Variants in GLDC observed in about 807,000 individuals in gnomAD.
GLDC encodes the protein glycine decarboxylase.
GLDC carries 104 observed loss-of-function variants against 121.3 expected under a neutral mutation model. The observed-to-expected ratio is 0.86, with a 90% CI of 0.73 to 1.01. The LOEUF (loss-of-function observed/expected upper bound fraction) is 1.01, where lower values mean the gene tolerates loss of function less well. Among genes scored for constraint, GLDC ranks in the 50% least tolerant of loss-of-function variants. The pLI is 0.00. For synonymous variants in GLDC, 546 were observed against 480.6 expected, an observed-to-expected ratio of 1.14 and a Z score of -1.78; for missense variants, 1,429 against 1,306.6, an observed-to-expected ratio of 1.09 and a Z score of -1.44.
At chr9:6,547,225 T>G (rs1340422725) in intron 21 of GLDC, among the ~76,000 whole-genome samples, 1 of 151,922 alleles carries the variant, frequency 6.6e-6, no homozygotes, top group East Asian at 1.9e-4. Context: ...TAGGATGCAG[T>G]TATATGTCTT....
At chr9:6,620,162 C>T (rs757826169) in intron 3 of GLDC, 22 bp downstream of exon 3, 1 of 1,610,386 alleles carries the variant, frequency 6.2e-7, no homozygotes, top group Non-Finnish European at 8.5e-7. Context: ...TCATCCTGTT[C>T]CTGAACTGAG....
intron 21 of GLDC, among the ~76,000 whole-genome samples, chr9:6,543,453 C>G (rs1333056733): frequency 6.6e-6 from 1 of 152,112 alleles, no homozygotes; most frequent in Non-Finnish European, 1.5e-5. Context: ...TCAGTAATAG[C>G]TGAAAGGCAC....
intron 2 of GLDC, 25 bp downstream of exon 2, chr9:6,644,589 C>T: frequency 1.3e-6 from 2 of 1,524,728 alleles, no homozygotes; most frequent in Non-Finnish European, 1.8e-6. Flanking sequence ...AATCTAAGTC[C>T]AAGGGAGCCC....
At chr9:6,621,587 G>C (rs531658225) in intron 2 of GLDC, among the ~76,000 whole-genome samples, 1 of 152,046 alleles carries the variant, frequency 6.6e-6, no homozygotes, top group African/African-American at 2.4e-5. Flanking sequence ...GCTCGATCTT[G>C]GCTCACTGCA....
chr9:6,613,759 T>C (rs994906003), intron 3 of GLDC, among the ~76,000 whole-genome samples: 2 of 152,116 alleles, frequency 1.3e-5, no homozygotes, highest in African/African-American at 4.8e-5. Context: ...CCAAATTATA[T>C]ATGATAACTA....
At chr9:6,589,019 C>T (rs1045767397) in intron 12 of GLDC, among the ~76,000 whole-genome samples, 176 bp downstream of exon 12, 3 of 152,152 alleles carry the variant, frequency 2.0e-5, no homozygotes, top group Non-Finnish European at 2.9e-5. Flanking sequence ...CACCAGGAAA[C>T]AAAGTGTGCT....
In GLDC at chr9:6,644,695, AAAATT is replaced by A; in HGVS notation, c.256-8_256-4del. 1 of 1,608,324 alleles carries A rather than the reference AAAATT, an allele frequency of 6.2e-7. No individual in the cohort carries two copies. Among genetic ancestry groups the A allele is most frequent in the Non-Finnish European group, 8.5e-7 (1 of 1,174,874 alleles). On this transcript the variant is annotated splice_region_variant and splice_polypyrimidine_tract_variant and intron_variant, in intron 1 of 24. Transcript: ENST00000321612. ...TTCTCGATCAATTCATCAATGCTCT[AAAATT>A]AAAACGCAAGGCAGAGGAAAGTGCC...
At chr9:6,634,256 C>G (rs1466802315) in intron 2 of GLDC, among the ~76,000 whole-genome samples, 1 of 151,906 alleles carries the variant, frequency 6.6e-6, no homozygotes, top group Non-Finnish European at 1.5e-5. Context: ...AACCCAAAAC[C>G]ATGAGTCTCA....
chr9:6,557,335 C>T (rs1019068030), intron 17 of GLDC, among the ~76,000 whole-genome samples: 39 of 152,172 alleles, frequency 2.6e-4, no homozygotes, highest in African/African-American at 8.4e-4. Context: ...GTAGCTCACG[C>T]CTGTAATCTC....
chr9:6,580,767 A>G (rs1295015865), intron 15 of GLDC, among the ~76,000 whole-genome samples: 1 of 152,060 alleles, frequency 6.6e-6, no homozygotes, highest in Non-Finnish European at 1.5e-5. Context: ...TCCTGATCCT[A>G]CCTGCCTATC....
At chr9:6,592,624 T>G (rs1472576986) in intron 10 of GLDC, among the ~76,000 whole-genome samples, 1 of 152,174 alleles carries the variant, frequency 6.6e-6, no homozygotes, top group Non-Finnish European at 1.5e-5. Flanking sequence ...ATATGTGCAT[T>G]TCAGTCCCAC....
intron 12 of GLDC, 94 bp downstream of exon 12, chr9:6,589,101 G>C (rs1818325323): frequency 1.2e-6 from 1 of 823,838 alleles, no homozygotes; most frequent in East Asian, 2.4e-5. Flanking sequence ...AGAATAACCA[G>C]GCCACAGCAG....
intron 2 of GLDC, among the ~76,000 whole-genome samples, chr9:6,637,050 C>T (rs1819518516): frequency 6.6e-6 from 1 of 151,666 alleles, no homozygotes; most frequent in Admixed American, 6.6e-5. Context: ...TGCCATTGCT[C>T]TCCAGCCTGG....
At chr9:6,644,760 C>G in intron 1 of GLDC, 68 bp from the exon 2 acceptor site, 1 of 1,070,996 alleles carries the variant, frequency 9.3e-7, no homozygotes, top group South Asian at 1.3e-5. Context: ...TGTTTTGCGA[C>G]TACAAAGCCT....
chr9:6,602,347 T>C (rs1818632587), intron 7 of GLDC, 142 bp from the exon 8 acceptor site: 2 of 678,502 alleles, frequency 2.9e-6, no homozygotes, highest in East Asian at 2.8e-5. Context: ...AAACAATTTC[T>C]AAACGTTCCT....
chr9:6,604,760 G>T lies in GLDC; in HGVS notation c.886C>A (p.Leu296Ile), dbSNP rs200413149. The change falls in exon 7 of 25, where the codon CTT becomes ATT. Residue 296 changes from leucine (L) to isoleucine (I), a missense_variant. Leu to Ile is a conservative substitution (Grantham distance 5). Transcript: ENST00000321612. The stretch of plus-strand genomic sequence containing the variant: ...GGCCTCAAGATGCACAAAGCTAAAA[G>T]GTCAGTAGCACAGCAGGCCAGGCTC... ...SGSLACCATD[L>I]LALCILRPPG... is the part of the protein sequence containing the mutation. 8.5e-5 allele frequency: 138 copies of T among 1,614,038 alleles called. No individual in the cohort carries two copies. Among genetic ancestry groups the T allele is most frequent in the Non-Finnish European group, 1.1e-4 (124 of 1,179,908 alleles).
At chr9:6,535,979 A>G (rs2129649047) in intron 23 of GLDC, 85 bp downstream of exon 23, 1 of 1,114,256 alleles carries the variant, frequency 9.0e-7, no homozygotes, top group East Asian at 2.4e-5. Context: ...TCCTCAGTTG[A>G]GAGTTCGGGA....
intron 2 of GLDC, among the ~76,000 whole-genome samples, chr9:6,624,807 G>T (rs1386331987): frequency 3.9e-5 from 6 of 152,012 alleles, no homozygotes. Flanking sequence ...GGCCAACATG[G>T]TGAAACCCTG....
At chr9:6,618,850 T>C (rs893910551) in intron 3 of GLDC, among the ~76,000 whole-genome samples, 10 of 151,660 alleles carry the variant, frequency 6.6e-5, no homozygotes, top group African/African-American at 9.7e-5. Context: ...CCCCTAGAAG[T>C]AGGAGTGACT....
Sources: allele counts gnomAD v4.1 joint callset (sites outside exome capture counted in the v4.1 genomes callset), GRCh38; gene constraint gnomAD v4.1.1; transcripts MANE v1.5; gene names NCBI Gene and HGNC (gene_info 2026-07-23, HGNC 2026-07-21).